Variants in ADK observed in about 807,000 individuals in gnomAD.
ADK encodes the protein adenosine kinase.
A neutral mutation model predicts 44.7 loss-of-function variants in ADK; 24 were observed. The ratio of observed to expected loss-of-function variants is 0.54; its 90% confidence interval spans 0.39 to 0.76. The LOEUF (loss-of-function observed/expected upper bound fraction) is 0.76, where lower values mean the gene tolerates loss of function less well. Ranked by LOEUF, ADK falls within the 30% of genes least tolerant of loss-of-function variation. The pLI, the probability that ADK is intolerant of heterozygous loss-of-function variation, is 0.00. For missense variants in ADK, 321 were observed against 425.1 expected (o/e 0.76, Z 2.15); for synonymous variants, 128 against 142.6 (o/e 0.90, Z 0.73).
chr10:74,321,834 A>G (rs186032068), intron 4 of ADK, among the ~76,000 whole-genome samples: 57 of 152,308 alleles, frequency 3.7e-4, no homozygotes, highest in African/African-American at 1.3e-3. Context: ...TCATAATTGT[A>G]TTTTAAAGCT....
At chr10:74,293,723 A>G (rs1030512192) in intron 3 of ADK, among the ~76,000 whole-genome samples, 1 of 152,198 alleles carries the variant, frequency 6.6e-6, no homozygotes, top group Non-Finnish European at 1.5e-5. Context: ...ATAAATTTTT[A>G]TATTATTTTC....
Position 74,353,090 on chromosome 10 carries a change from T to G in ADK, c.273+38345T>G, listed in dbSNP as rs565802153. ...TATGTACCCAAGGGATTATAAATCA[T>G]TCTCCTATAAAGACACATGCACACA... On this transcript the variant is annotated intron_variant, in intron 4 of 10. Coordinates refer to ENST00000539909, the MANE Select transcript of ADK (RefSeq NM_006721.4). Among the ~76,000 whole-genome samples the G allele has an allele frequency of 3.9e-5, 6 of 152,330 alleles. No homozygotes were observed. The South Asian group carries it at 1.2e-3, about 32-fold the overall frequency.
intron 3 of ADK, among the ~76,000 whole-genome samples, chr10:74,229,472 A>G (rs1468345431): frequency 7.2e-6 from 1 of 138,090 alleles, no homozygotes; most frequent in African/African-American, 2.8e-5. Flanking sequence ...ATCTCGGCTC[A>G]CTGCAAGCTC....
intron 4 of ADK, among the ~76,000 whole-genome samples, chr10:74,349,719 T>C (rs1353974765): frequency 6.6e-6 from 1 of 151,894 alleles, no homozygotes; most frequent in Non-Finnish European, 1.5e-5. Context: ...GATGGAGGAA[T>C]GTTTACCAAG....
At chr10:74,396,885 G>A (rs1161072806) in intron 5 of ADK, among the ~76,000 whole-genome samples, 1 of 151,982 alleles carries the variant, frequency 6.6e-6, no homozygotes, top group African/African-American at 2.4e-5. Flanking sequence ...GAACCCGGAG[G>A]CGGAGGTTGC....
At chr10:74,305,277 T>G (rs1260513879) in intron 3 of ADK, among the ~76,000 whole-genome samples, 3 of 152,172 alleles carry the variant, frequency 2.0e-5, no homozygotes, top group African/African-American at 7.2e-5. Flanking sequence ...GTCATATAAT[T>G]AGATGAATAT....
At chr10:74,547,846 C>T (rs1589237269) in intron 7 of ADK, among the ~76,000 whole-genome samples, 1 of 152,126 alleles carries the variant, frequency 6.6e-6, no homozygotes, top group East Asian at 1.9e-4. Flanking sequence ...TTGGTAGAGA[C>T]AGGGTTTCTC....
At position 74,356,002 on chromosome 10, in the gene ADK, ATTTTT is replaced by A. The variant is rs34454856; in HGVS notation, c.274-38116_274-38112del. 9.1e-4 allele frequency among the ~76,000 whole-genome samples: 76 copies of A among 83,304 alleles called. 7 individuals carry two copies. In the South Asian group the frequency reaches 0.018, roughly 20 times the overall value. The allele number at this position is 83,304 out of a possible 152,430, so 54.7% of individuals were successfully genotyped here. On this transcript the variant is annotated intron_variant, in intron 4 of 10. Coordinates refer to ENST00000539909, the MANE Select transcript of ADK (RefSeq NM_006721.4). ...TCTGAAATATTTCACTAAATAATTC[ATTTTT>A]TTTTTTTTTTTTTTTTTTTTTTGAG... is the stretch of plus-strand genomic sequence containing the variant.
intron 7 of ADK, among the ~76,000 whole-genome samples, chr10:74,586,885 A>G (rs1004752017): frequency 2.2e-4 from 34 of 151,462 alleles, no homozygotes; most frequent in Admixed American, 7.9e-4. Flanking sequence ...ATGTATATAT[A>G]TACACACACA....
At chr10:74,322,971 C>T (rs1228712625) in intron 4 of ADK, among the ~76,000 whole-genome samples, 4 of 152,226 alleles carry the variant, frequency 2.6e-5, no homozygotes, top group Non-Finnish European at 5.9e-5. Flanking sequence ...TAAATCTACA[C>T]ATATCACAGT....
At chr10:74,319,507 C>T (rs1840739998) in intron 4 of ADK, among the ~76,000 whole-genome samples, 2 of 151,992 alleles carry the variant, frequency 1.3e-5, no homozygotes, top group African/African-American at 4.8e-5. Flanking sequence ...CCTTACTGCC[C>T]TCATTAATTT....
chr10:74,338,408 TCC>T (rs1171819452), intron 4 of ADK, among the ~76,000 whole-genome samples: 3 of 152,204 alleles, frequency 2.0e-5, no homozygotes, highest in Non-Finnish European at 4.4e-5. Flanking sequence ...GCAATCATAT[TCC>T]TGAGTATTTA....
intron 7 of ADK, among the ~76,000 whole-genome samples, chr10:74,528,884 T>A (rs1849169530): frequency 6.6e-6 from 1 of 152,178 alleles, no homozygotes; most frequent in African/African-American, 2.4e-5. Flanking sequence ...TTGGTGAAGA[T>A]GTGGAGAAAT....
Position 74,327,129 on chromosome 10 carries a change from A to G in ADK, c.273+12384A>G, listed in dbSNP as rs185443408. 1.6e-4 allele frequency among the ~76,000 whole-genome samples: 25 copies of G among 152,096 alleles called. No homozygotes were observed. In the East Asian group the frequency reaches 4.4e-3, roughly 27 times the overall value. ...CCTTGAGGCGCAACATTAGGTTTAT[A>G]TCTTTCCTCTTTGGGGATTTATGTG... is the stretch of plus-strand genomic sequence containing the variant. On this transcript the variant is annotated intron_variant, in intron 4 of 10. Coordinates refer to ENST00000539909, the MANE Select transcript of ADK (RefSeq NM_006721.4).
intron 4 of ADK, among the ~76,000 whole-genome samples, chr10:74,336,448 G>A (rs769100306): frequency 2.0e-5 from 3 of 151,676 alleles, no homozygotes; most frequent in Non-Finnish European, 4.4e-5. Flanking sequence ...TTTTTTTGCT[G>A]TCTAATCATG....
At chr10:74,251,645 G>A (rs1845655283) in intron 3 of ADK, among the ~76,000 whole-genome samples, 1 of 152,144 alleles carries the variant, frequency 6.6e-6, no homozygotes, top group Non-Finnish European at 1.5e-5. Context: ...CAGCAAATAA[G>A]TGGTGGATGG....
At chr10:74,553,958 T>C (rs1381164411) in intron 7 of ADK, among the ~76,000 whole-genome samples, 1 of 152,230 alleles carries the variant, frequency 6.6e-6, no homozygotes, top group Non-Finnish European at 1.5e-5. Flanking sequence ...TTTAATGCTA[T>C]TTAACATATG....
At chr10:74,673,825 G>A (rs1855280501) in intron 10 of ADK, among the ~76,000 whole-genome samples, 1 of 152,140 alleles carries the variant, frequency 6.6e-6, no homozygotes, top group African/African-American at 2.4e-5. Context: ...ACAGGAAGGG[G>A]AGCTGAAAGG....
chr10:74,205,496 C>T (rs867091392), intron 2 of ADK, among the ~76,000 whole-genome samples: 54 of 151,728 alleles, frequency 3.6e-4, no homozygotes, highest in Middle Eastern at 6.8e-3. Flanking sequence ...GCCAATAGGG[C>T]AAAATTCCGT....
Sources: allele counts gnomAD v4.1 joint callset (sites outside exome capture counted in the v4.1 genomes callset), GRCh38; gene constraint gnomAD v4.1.1; transcripts MANE v1.5; gene names NCBI Gene and HGNC (gene_info 2026-07-23, HGNC 2026-07-21).